SERPINI2: variants seen among roughly 807,000 people sequenced by gnomAD.
SERPINI2 encodes serpin family I member 2.
Under a neutral mutation model 47.3 loss-of-function variants are expected in SERPINI2, and 48 were observed. The ratio of observed to expected loss-of-function variants is 1.02; its 90% CI spans 0.81 to 1.29. SERPINI2 has a LOEUF of 1.29. Ranked by LOEUF, SERPINI2 falls within the 50% of genes most tolerant of loss-of-function variation. The pLI is 0.00. For missense variants in SERPINI2, 448 were observed against 456.9 expected (o/e 0.98, Z 0.18); for synonymous variants, 135 against 149.3 (o/e 0.90, Z 0.70).
chr3:167,467,347 C>A, intron 2 of SERPINI2, 62 bp from the exon 3 acceptor site: 1 of 1,196,124 alleles, frequency 8.4e-7, no homozygotes, highest in Non-Finnish European at 1.2e-6. Context: ...AGCTTTTCAG[C>A]TTTGCTATCT....
chr3:167,442,336 G>C (rs1450492361), intron 8 of SERPINI2, 151 bp from the exon 9 acceptor site: 2 of 490,398 alleles, frequency 4.1e-6, no homozygotes, highest in African/African-American at 4.0e-5. Context: ...CTTCTCCTTT[G>C]TCTCAAATTC....
chr3:167,473,709 C>A, intron 1 of SERPINI2: 1 of 1,288,122 alleles, frequency 7.8e-7, no homozygotes, highest in Non-Finnish European at 1.0e-6. Context: ...TAACCTCAGA[C>A]AAATATTGGT....
At chr3:167,468,940 G>A (rs1750229771) in intron 2 of SERPINI2, among the ~76,000 whole-genome samples, 1 of 152,102 alleles carries the variant, frequency 6.6e-6, no homozygotes, top group Non-Finnish European at 1.5e-5. Flanking sequence ...AAGAGAGAAA[G>A]GGAGAAAAAG....
intron 8 of SERPINI2, among the ~76,000 whole-genome samples, chr3:167,445,641 T>C (rs1456036817): frequency 6.6e-6 from 1 of 152,184 alleles, no homozygotes; most frequent in African/African-American, 2.4e-5. Context: ...AAAATATAAT[T>C]TCTACTATCC....
intron 6 of SERPINI2, among the ~76,000 whole-genome samples, chr3:167,449,940 T>C (rs1446273750): frequency 1.3e-5 from 2 of 152,240 alleles, no homozygotes; most frequent in Non-Finnish European, 2.9e-5. Flanking sequence ...TTTTCTGTGA[T>C]ATAAAAGGTA....
chr3:167,445,732 A>C (rs980937374), intron 8 of SERPINI2, among the ~76,000 whole-genome samples: 3 of 152,188 alleles, frequency 2.0e-5, no homozygotes, highest in African/African-American at 7.2e-5. Context: ...CACTGTATTC[A>C]CATTTCTGGC....
chr3:167,445,021 A>G (rs1749433746), intron 8 of SERPINI2, among the ~76,000 whole-genome samples: 1 of 152,188 alleles, frequency 6.6e-6, no homozygotes, highest in Non-Finnish European at 1.5e-5. Context: ...GAATTATCTA[A>G]AGGTTAGACA....
At chr3:167,460,248 T>C (rs1749947572) in intron 5 of SERPINI2, among the ~76,000 whole-genome samples, 1 of 152,216 alleles carries the variant, frequency 6.6e-6, no homozygotes, top group African/African-American at 2.4e-5. Context: ...TATTCAGATG[T>C]AAAAGAACCA....
intron 5 of SERPINI2, among the ~76,000 whole-genome samples, chr3:167,460,548 G>A (rs1749954825): frequency 6.6e-6 from 1 of 152,114 alleles, no homozygotes; most frequent in Admixed American, 6.5e-5. Context: ...GTAAAAAAGT[G>A]AATGCATTTT....
At chr3:167,467,249 G>C in exon 3 of SERPINI2, 3 of 1,611,936 alleles carry the variant, frequency 1.9e-6, no homozygotes, top group Non-Finnish European at 2.5e-6. Flanking sequence ...CTCTGAGATG[G>C]CAGAGAAAAA....
intron 7 of SERPINI2, among the ~76,000 whole-genome samples, chr3:167,447,253 T>C (rs1321732055): frequency 6.6e-6 from 1 of 152,168 alleles, no homozygotes; most frequent in East Asian, 1.9e-4. Flanking sequence ...AACAGTCAAA[T>C]ATAATCTTAG....
chr3:167,472,192 T>C (rs2108175411), intron 1 of SERPINI2, among the ~76,000 whole-genome samples: 1 of 152,220 alleles, frequency 6.6e-6, no homozygotes, highest in South Asian at 2.1e-4. Context: ...GGGATAACTG[T>C]AACTCTGACA....
intron 3 of SERPINI2, among the ~76,000 whole-genome samples, chr3:167,466,000 C>T (rs1258382254): frequency 1.3e-5 from 2 of 152,104 alleles, no homozygotes; most frequent in Admixed American, 1.3e-4. Context: ...TCCATATTTA[C>T]TGGTATTATT....
intron 5 of SERPINI2, among the ~76,000 whole-genome samples, chr3:167,464,055 C>T (rs896385107): frequency 7.0e-6 from 1 of 142,134 alleles, no homozygotes; most frequent in Non-Finnish European, 1.5e-5. Context: ...ACCCTGTTGC[C>T]AGGCTGGAGT....
At chr3:167,458,907 T>A (rs1382485071) in intron 5 of SERPINI2, among the ~76,000 whole-genome samples, 2 of 152,144 alleles carry the variant, frequency 1.3e-5, no homozygotes, top group Non-Finnish European at 2.9e-5. Context: ...TGCTAACACT[T>A]CACAAAGTTA....
chr3:167,471,972 C>T (rs1750340394), intron 1 of SERPINI2, 128 bp from the exon 2 acceptor site: 1 of 629,922 alleles, frequency 1.6e-6, no homozygotes, highest in Admixed American at 2.8e-5. Context: ...TGAACTCTAT[C>T]CAATTAGATT....
At chr3:167,460,260 C>T (rs1378033537) in intron 5 of SERPINI2, among the ~76,000 whole-genome samples, 1 of 152,172 alleles carries the variant, frequency 6.6e-6, no homozygotes. Flanking sequence ...AAAGAACCAC[C>T]GCATTCAGTA....
exon 1 of SERPINI2, chr3:167,474,086 G>T: frequency 9.8e-7 from 1 of 1,018,106 alleles, no homozygotes; most frequent in Non-Finnish European, 1.2e-6. Flanking sequence ...ACACCTGAGC[G>T]ATCAAGGCCA....
At chr3:167,458,904 A>G (rs1381623413) in intron 5 of SERPINI2, among the ~76,000 whole-genome samples, 1 of 152,144 alleles carries the variant, frequency 6.6e-6, no homozygotes, top group African/African-American at 2.4e-5. Flanking sequence ...AAATGCTAAC[A>G]CTTCACAAAG....
Sources: gnomAD v4.1 joint callset for allele counts (sites outside exome capture counted in the v4.1 genomes callset) on GRCh38, gnomAD v4.1.1 for gene constraint, MANE v1.5 for transcripts, NCBI Gene and HGNC (gene_info 2026-07-23, HGNC 2026-07-21) for gene names.